Variants in SF3B3 observed in about 807,000 individuals in gnomAD.
The protein encoded by SF3B3 is splicing factor 3b subunit 3.
SF3B3 carries 33 observed loss-of-function variants against 139.2 expected under a neutral mutation model. The observed-to-expected ratio is 0.24, with a 90% confidence interval of 0.18 to 0.32. SF3B3 has a LOEUF of 0.32. Ranked by LOEUF, SF3B3 falls within the 10% of genes least tolerant of loss-of-function variation. The pLI is 1.00. For missense variants in SF3B3, 818 were observed against 1,509.4 expected (o/e 0.54, Z 7.59); for synonymous variants, 596 against 563.6 (o/e 1.06, Z -0.81).
Position 70,576,635 on chromosome 16 carries a change from A to G in SF3B3, c.*4822A>G, listed in dbSNP as rs1039804926. ...CAGCTGTTATGAGGACACACTGGGG[A>G]ATCTCAGCTTTAGGGAGTCGATGAT... is the stretch of plus-strand genomic sequence containing the variant. On this transcript the variant is annotated 3_prime_UTR_variant, in exon 26 of 26. Transcript: ENST00000302516. The G allele has an allele frequency of 3.3e-5, 5 of 152,188 alleles. No individual in the cohort carries two copies. Among genetic ancestry groups the G allele is most frequent in the Admixed American group, 6.5e-5 (1 of 15,274 alleles). 9.4% of individuals were successfully genotyped at this position (152,188 alleles called of 1,614,324 possible).
chr16:70,537,894 T>C (rs922207035), intron 6 of SF3B3: 12 of 395,538 alleles, frequency 3.0e-5, no homozygotes, highest in African/African-American at 1.3e-4. Context: ...GGCAACATAG[T>C]GAGACCTTGT....
intron 5 of SF3B3, among the ~76,000 whole-genome samples, chr16:70,532,832 A>C (rs2050134282): frequency 6.6e-6 from 1 of 152,276 alleles, no homozygotes; most frequent in African/African-American, 2.4e-5. Context: ...CTCATATTCT[A>C]CTGAGGGCAG....
chr16:70,541,733 C>G lies in SF3B3; in HGVS notation c.1132C>G (p.Pro378Ala). The G allele has an allele frequency of 6.2e-7, 1 of 1,613,966 alleles. No individual in the cohort carries two copies. Among genetic ancestry groups the G allele is most frequent in the Non-Finnish European group, 8.5e-7 (1 of 1,179,862 alleles). ...DEEPEFSSAM[P>A]LEEGDTFFFQ... ...AGAACCTGAGTTTTCATCAGCCATGCCTCTGGAAGAAGGAGACACATTCTT... is the reference window on the plus strand; with the variant it reads ...AGAACCTGAGTTTTCATCAGCCATGGCTCTGGAAGAAGGAGACACATTCTT... Residue 378 changes from proline (P) to alanine (A), a missense_variant, in exon 9 of 26, where the codon CCT becomes GCT. Physicochemically the swap from Pro to Ala is conservative, Grantham distance 27. Around this residue, in one of 14 missense-constraint regions of SF3B3, gnomAD observed 80 missense variants for 206.5 expected, o/e 0.39. Coordinates refer to ENST00000302516, the MANE Select transcript of SF3B3 (RefSeq NM_012426.5).
At chr16:70,571,506 A>G (rs1301168469) in intron 25 of SF3B3, among the ~76,000 whole-genome samples, 167 bp from the exon 26 acceptor site, 1 of 152,198 alleles carries the variant, frequency 6.6e-6, no homozygotes, top group Non-Finnish European at 1.5e-5. Context: ...TTGAGAGTGC[A>G]GTGAGCTAAG....
Position 70,556,249 on chromosome 16 carries a change from A to G in SF3B3, c.1781A>G (p.Asn594Ser), listed in dbSNP as rs749459179. The change falls in exon 14 of 26, where the codon AAT becomes AGT. Residue 594 changes from asparagine (N) to serine (S), a missense_variant. Transcript: ENST00000302516. The stretch of plus-strand genomic sequence containing the variant: ...GATGTGGTGTGCATGAGTCTGGCCA[A>G]TGTACCCCCTGGAGAGCAGCGGTCT... Reference protein sequence around the residue: ...SADVVCMSLANVPPGEQRSRF... With the variant: ...SADVVCMSLASVPPGEQRSRF... The G allele has an allele frequency of 5.3e-5, 85 of 1,614,062 alleles. No individual in the cohort carries two copies. Among genetic ancestry groups the G allele is most frequent in the Admixed American group, 3.8e-4 (23 of 60,002 alleles).
In SF3B3 at chr16:70,561,653, A is replaced by G. The variant is rs144215670; in HGVS notation, c.2157A>G (p.Ser719=). The change falls in exon 17 of 26, where the codon TCA becomes TCG. Residue 719 remains serine, a synonymous_variant. Coordinates refer to ENST00000302516, the MANE Select transcript of SF3B3 (RefSeq NM_012426.5). ...AGGTATTGGCCATGTCAAGCCGCTC[A>G]TGGTTGAGCTATTCTTACCAATCTC... is the stretch of plus-strand genomic sequence containing the variant. ...QEAVLAMSSR[S]WLSYSYQSRF... 1 of 1,613,492 alleles carries G rather than the reference A, an allele frequency of 6.2e-7. No homozygotes were observed. The highest frequency in any genetic ancestry group is 8.5e-7 in the Non-Finnish European group (1 of 1,179,886).
intron 11 of SF3B3, 29 bp downstream of exon 11, chr16:70,548,471 T>G: frequency 6.3e-7 from 1 of 1,596,388 alleles, no homozygotes; most frequent in Non-Finnish European, 8.6e-7. Flanking sequence ...ATAGTCAAAA[T>G]GAGGATCTAG....
intron 9 of SF3B3, among the ~76,000 whole-genome samples, chr16:70,543,395 C>T (rs1045440094): frequency 2.2e-5 from 3 of 136,242 alleles, no homozygotes; most frequent in African/African-American, 8.3e-5. Flanking sequence ...GGGTAACGAG[C>T]GAAACCCCGT....
rs1482912901 is a variant in SF3B3 at position 70,568,399 on chromosome 16, C to A, written c.3069C>A (p.Ile1023=). The A allele has an allele frequency of 6.2e-7, 1 of 1,614,104 alleles. No individual in the cohort carries two copies. The highest frequency in any genetic ancestry group is 1.1e-5 in the South Asian group (1 of 91,080). The change falls in exon 22 of 26, where the codon ATC becomes ATA. Residue 1023 remains isoleucine (I), a synonymous_variant. Coordinates refer to ENST00000302516, the MANE Select transcript of SF3B3 (RefSeq NM_012426.5). ...RYKRNENQLI[I]FADDTYPRWV... ...AGCGTAATGAAAACCAGCTTATCAT[C>A]TTTGCTGATGATACCTACCCCCGAT...
At position 70,570,257 on chromosome 16, in the gene SF3B3, C is replaced by G. The variant is rs2050515594; in HGVS notation, c.3408+108C>G. The G allele has an allele frequency of 6.3e-6, 7 of 1,108,412 alleles. No individual in the cohort carries two copies. The South Asian group carries it at 1.1e-4, about 17-fold the overall frequency. 68.7% of individuals were successfully genotyped at this position (1,108,412 alleles called of 1,614,324 possible). A position where few individuals can be genotyped will look rare whatever the true frequency, so the allele number is the denominator to read the frequency against. On this transcript the variant is annotated intron_variant, in intron 24 of 25. Transcript: ENST00000302516. The stretch of plus-strand genomic sequence containing the variant: ...GTCCCCACATATAATTAATAATGTT[C>G]TGGGAATTATAAAGTGACAGAAGTA...
Position 70,575,196 on chromosome 16 carries a change from CTTTTTTTTTTTT to C in SF3B3, c.*3392_*3403del, listed in dbSNP as rs897314035. ...TTTTCTTTTTCTTTTTCTTTTTTTTCTTTTTTTTTTTTTTTTTTTTGAGATGAAGTCTTACTC... is the reference window on the plus strand; with the variant it reads ...TTTTCTTTTTCTTTTTCTTTTTTTTCTTTTTTTTGAGATGAAGTCTTACTC... On this transcript the variant is annotated 3_prime_UTR_variant, in exon 26 of 26. Coordinates refer to ENST00000302516, the MANE Select transcript of SF3B3 (RefSeq NM_012426.5). 9.1e-6 allele frequency: 1 copy of C among 110,008 alleles called. No homozygotes were observed. Among genetic ancestry groups the C allele is most frequent in the African/African-American group, 3.4e-5 (1 of 29,056 alleles). The allele number at this position is 110,008 out of a possible 1,614,324, so 6.8% of individuals were successfully genotyped here.
chr16:70,569,251 G>C (rs1294210388), intron 23 of SF3B3, 110 bp downstream of exon 23: 16 of 707,638 alleles, frequency 2.3e-5, no homozygotes, highest in Non-Finnish European at 9.5e-6. Context: ...CGACTGTGCT[G>C]AGTGCTGTCC....
intron 2 of SF3B3, 42 bp downstream of exon 2, chr16:70,526,768 T>A: frequency 7.6e-7 from 1 of 1,319,978 alleles, no homozygotes; most frequent in Non-Finnish European, 1.1e-6. Flanking sequence ...TTAAGTGAAT[T>A]AATACATATC....
chr16:70,541,434 A>G (rs1367140685), intron 8 of SF3B3, among the ~76,000 whole-genome samples: 1 of 152,188 alleles, frequency 6.6e-6, no homozygotes, highest in Non-Finnish European at 1.5e-5. Flanking sequence ...AGTCCAGTTT[A>G]TCTGTATTTT....
intron 8 of SF3B3, among the ~76,000 whole-genome samples, chr16:70,539,846 G>T (rs1388963602): frequency 2.0e-5 from 3 of 148,762 alleles, no homozygotes; most frequent in Non-Finnish European, 4.5e-5. Flanking sequence ...GTGTGATCTC[G>T]GCTCACCGCA....
In SF3B3 at chr16:70,567,539, A is replaced by G. The variant is rs759047866; in HGVS notation, c.2952+3A>G. On this transcript the variant is annotated splice_donor_region_variant and intron_variant, in intron 21 of 25. Coordinates refer to ENST00000302516, the MANE Select transcript of SF3B3 (RefSeq NM_012426.5). Reference sequence around the variant, plus strand: ...TACTCCGAAAATGTGAGAATAAGGTAAGTGTGCTGGCATTGGTGCTGAGAT... The same window carrying G: ...TACTCCGAAAATGTGAGAATAAGGTGAGTGTGCTGGCATTGGTGCTGAGAT... 6.2e-7 allele frequency: 1 copy of G among 1,612,972 alleles called. No individual in the cohort carries two copies.
intron 9 of SF3B3, among the ~76,000 whole-genome samples, chr16:70,542,216 TTTATGTG>T (rs58101187): frequency 0.39 from 59,380 of 151,700 alleles, 12,112 homozygotes; most frequent in South Asian, 0.65. Flanking sequence ...CATGTATATG[TTTATGTG>T]TTATATCTTT....
intron 23 of SF3B3, among the ~76,000 whole-genome samples, chr16:70,569,681 G>A (rs1466827682): frequency 1.3e-5 from 2 of 152,192 alleles, no homozygotes; most frequent in Non-Finnish European, 2.9e-5. Flanking sequence ...CCGGGCTGGA[G>A]TGTGGTGGTA....
chr16:70,555,922 A>G (rs115237557), intron 13 of SF3B3, among the ~76,000 whole-genome samples: 2 of 152,228 alleles, frequency 1.3e-5, no homozygotes, highest in Non-Finnish European at 2.9e-5. Context: ...TTTGTGGCAC[A>G]TTGACCTTGT....
Sources: allele counts gnomAD v4.1 joint callset (sites outside exome capture counted in the v4.1 genomes callset), GRCh38; gene constraint gnomAD v4.1.1; regional missense constraint gnomAD v4.1.1; transcripts MANE v1.5; gene names NCBI Gene and HGNC (gene_info 2026-07-23, HGNC 2026-07-21).